TSC22D2: variants seen among roughly 807,000 people sequenced by gnomAD.
The protein encoded by TSC22D2 is TSC22 domain family protein 2.
TSC22D2 carries 5 observed loss-of-function variants against 50.1 expected under a neutral mutation model. The observed-to-expected ratio is 0.10, with a 90% CI of 0.05 to 0.21. TSC22D2 has a LOEUF of 0.21. TSC22D2 is among the 10% of genes least tolerant of loss of function. TSC22D2 has a pLI of 1.00. For synonymous variants in TSC22D2, 501 were observed against 450.1 expected, an observed-to-expected ratio of 1.11 and a Z score of -1.43; for missense variants, 1,003 against 1,015.5, an observed-to-expected ratio of 0.99 and a Z score of 0.17.
At chr3:150,445,039 T>C (rs766228389) in intron 1 of TSC22D2, among the ~76,000 whole-genome samples, 23 of 152,140 alleles carry the variant, frequency 1.5e-4, no homozygotes, top group Non-Finnish European at 2.6e-4. Context: ...TTAAATACTC[T>C]TTTTGGAAAT....
chr3:150,440,453 AT>A (rs11290815), intron 1 of TSC22D2, among the ~76,000 whole-genome samples: 26,033 of 148,476 alleles, frequency 0.18, 2,403 homozygotes, highest in Non-Finnish European at 0.22. Context: ...ATATATGTGT[AT>A]TTTTTTTTTT....
Position 150,433,426 on chromosome 3 carries a change from C to A in TSC22D2, c.1958+22118C>A, listed in dbSNP as rs114108024. ...GTAGCTACGTATTTTCTACCAATAG[C>A]AAGATGTTCAGAATATATGTAACCT... is the stretch of plus-strand genomic sequence containing the variant. On this transcript the variant is annotated intron_variant, in intron 1 of 2. Coordinates refer to ENST00000688009, the MANE Select transcript of TSC22D2 (RefSeq NM_001303264.2). 6.1e-3 allele frequency among the ~76,000 whole-genome samples: 930 copies of A among 152,298 alleles called. 15 individuals carry two copies. Among genetic ancestry groups the A allele is most frequent in the African/African-American group, 0.022 (894 of 41,562 alleles).
In TSC22D2 at chr3:150,410,038, G is replaced by A; in HGVS notation, c.688G>A (p.Ala230Thr). ...ATGGSVVVVV[A>T]SMQGAHGPES... is the part of the protein sequence containing the mutation. Reference sequence around the variant, plus strand: ...CGGAGGGTCGGTGGTGGTAGTAGTGGCCTCCATGCAGGGGGCGCACGGGCC... The same window carrying A: ...CGGAGGGTCGGTGGTGGTAGTAGTGACCTCCATGCAGGGGGCGCACGGGCC... Residue 230 changes from alanine to threonine, a missense_variant, in exon 1 of 3, where the codon GCC becomes ACC. By Grantham distance (58) the Ala-to-Thr change is moderately conservative. This residue lies in a region of TSC22D2 where 696 missense variants were observed against 647.8 expected (regional missense o/e 1.07). Transcript: ENST00000688009. 1 of 1,613,288 alleles carries A rather than the reference G, an allele frequency of 6.2e-7. No individual in the cohort carries two copies.
rs969364909 is a variant in TSC22D2, at chr3:150,410,909, G to C, written c.1559G>C (p.Ser520Thr). Residue 520 changes from serine (S) to threonine (T), a missense_variant, in exon 1 of 3, where the codon AGT becomes ACT. Around this residue, in one of 6 missense-constraint regions of TSC22D2, gnomAD observed 696 missense variants for 647.8 expected, o/e 1.07. Coordinates refer to ENST00000688009, the MANE Select transcript of TSC22D2 (RefSeq NM_001303264.2). ...PAAVPAPSVP[S>T]VSTTSVTMPN... ...GCCGTGCCCGCTCCAAGCGTGCCTA[G>C]TGTGTCTACCACTTCTGTTACTATG... 1 of 1,613,982 alleles carries C rather than the reference G, an allele frequency of 6.2e-7. No individual in the cohort carries two copies. The highest frequency in any genetic ancestry group is 1.3e-5 in the African/African-American group (1 of 74,940).
chr3:150,437,841 A>AATAAG (rs1720595522), intron 1 of TSC22D2, among the ~76,000 whole-genome samples: 1 of 151,720 alleles, frequency 6.6e-6, no homozygotes, highest in African/African-American at 2.4e-5. Flanking sequence ...AATAAAATAA[A>AATAAG]ATAAGAAACT....
chr3:150,420,776 G>C (rs995301293), intron 1 of TSC22D2, among the ~76,000 whole-genome samples: 5 of 152,170 alleles, frequency 3.3e-5, no homozygotes, highest in Admixed American at 2.0e-4. Context: ...TCCAAAGTCA[G>C]AGGATCTAAA....
intron 1 of TSC22D2, among the ~76,000 whole-genome samples, chr3:150,425,934 C>G (rs567390836): frequency 6.6e-6 from 1 of 152,166 alleles, no homozygotes; most frequent in African/African-American, 2.4e-5. Context: ...AGCAGCCTGC[C>G]TCTGCCTATA....
intron 1 of TSC22D2, among the ~76,000 whole-genome samples, chr3:150,450,220 A>G (rs1166249356): frequency 1.3e-5 from 2 of 152,122 alleles, no homozygotes; most frequent in Non-Finnish European, 2.9e-5. Flanking sequence ...GCATTGGTGA[A>G]CAAGGTTTTT....
At chr3:150,417,981 A>C (rs61015726) in intron 1 of TSC22D2, among the ~76,000 whole-genome samples, 3,717 of 152,160 alleles carry the variant, frequency 0.024, 157 homozygotes, top group African/African-American at 0.084. Flanking sequence ...GACTTTGTCA[A>C]ATTTTAAGAT....
chr3:150,452,656 C>A (rs949266551), intron 1 of TSC22D2, among the ~76,000 whole-genome samples: 3 of 152,174 alleles, frequency 2.0e-5, no homozygotes, highest in African/African-American at 7.2e-5. Flanking sequence ...GGAAAGCCAA[C>A]CTGCCTTACT....
intron 1 of TSC22D2, among the ~76,000 whole-genome samples, chr3:150,436,157 C>T (rs928220620): frequency 6.6e-6 from 1 of 152,042 alleles, no homozygotes; most frequent in Admixed American, 6.6e-5. Flanking sequence ...TGATATATAA[C>T]TTTTGTATCT....
intron 1 of TSC22D2, chr3:150,438,243 A>G (rs1442705071): frequency 4.7e-6 from 2 of 429,072 alleles, no homozygotes; most frequent in South Asian, 1.7e-5. Context: ...TGACATAATA[A>G]TGATCGAAAG....
intron 1 of TSC22D2, among the ~76,000 whole-genome samples, chr3:150,428,965 ATG>A (rs1482368420): frequency 6.6e-6 from 1 of 152,158 alleles, no homozygotes; most frequent in Admixed American, 6.5e-5. Context: ...TACATTTAAA[ATG>A]CCTACTCTGG....
chr3:150,411,419 A>G, intron 1 of TSC22D2, 111 bp downstream of exon 1: 4 of 1,224,092 alleles, frequency 3.3e-6, no homozygotes, highest in Non-Finnish European at 4.5e-6. Flanking sequence ...ATTTTTAAAT[A>G]CAAAATTTAG....
At chr3:150,427,192 T>G (rs574469260) in intron 1 of TSC22D2, among the ~76,000 whole-genome samples, 4 of 152,258 alleles carry the variant, frequency 2.6e-5, no homozygotes, top group African/African-American at 9.6e-5. Flanking sequence ...ATAGGACTTG[T>G]AAAATTTTTT....
rs926949789 is a variant in TSC22D2 at position 150,461,927 on chromosome 3, C to T, written c.*3291C>T. The T allele has an allele frequency of 2.0e-5, 3 of 151,598 alleles. No homozygotes were observed. The highest frequency in any genetic ancestry group is 4.4e-5 in the Non-Finnish European group (3 of 67,972). The allele number at this position is 151,598 out of a possible 1,614,324, so 9.4% of individuals were successfully genotyped here. On this transcript the variant is annotated 3_prime_UTR_variant, in exon 3 of 3. Coordinates refer to ENST00000688009, the MANE Select transcript of TSC22D2 (RefSeq NM_001303264.2). ...TTTATCTTTGCAGAACCAGAAATAG[C>T]TAATTGTCTGGAAACAATTTTTAAG... is the stretch of plus-strand genomic sequence containing the variant.
In TSC22D2 at chr3:150,458,701, C is replaced by A; in HGVS notation, c.*65C>A. The A allele has an allele frequency of 6.3e-7, 1 of 1,579,314 alleles. No individual in the cohort carries two copies. Among genetic ancestry groups the A allele is most frequent in the South Asian group, 1.2e-5 (1 of 85,658 alleles). On this transcript the variant is annotated 3_prime_UTR_variant, in exon 3 of 3. Transcript: ENST00000688009. The stretch of plus-strand genomic sequence containing the variant: ...TCTATCCTTGTGTGCCACTGGTGTT[C>A]TTTCCACTTTATACGAAAGCAAGTA...
At chr3:150,451,779 G>A (rs1721048628) in intron 1 of TSC22D2, among the ~76,000 whole-genome samples, 1 of 152,176 alleles carries the variant, frequency 6.6e-6, no homozygotes, top group Non-Finnish European at 1.5e-5. Context: ...CAACCATTAA[G>A]TGTTCTTTTC....
chr3:150,464,387 G>A lies in TSC22D2; in HGVS notation c.*5751G>A, dbSNP rs989901451. ...TATGACTTTGTAAAACCCTAAAAGT[G>A]ATGTTTTCAAGAAATTTAGGTTTCT... On this transcript the variant is annotated 3_prime_UTR_variant, in exon 3 of 3. Coordinates refer to ENST00000688009, the MANE Select transcript of TSC22D2 (RefSeq NM_001303264.2). 6.6e-6 allele frequency: 1 copy of A among 152,004 alleles called. No homozygotes were observed. The highest frequency in any genetic ancestry group is 2.4e-5 in the African/African-American group (1 of 41,380). 9.4% of individuals were successfully genotyped at this position (152,004 alleles called of 1,614,324 possible).
Sources: gnomAD v4.1 joint callset for allele counts (sites outside exome capture counted in the v4.1 genomes callset) on GRCh38, gnomAD v4.1.1 for gene constraint, gnomAD v4.1.1 regional missense constraint, MANE v1.5 for transcripts, NCBI Gene and HGNC (gene_info 2026-07-23, HGNC 2026-07-21) for gene names.